The following NHEJ1 variants were observed in gnomAD, a reference collection of about 807,000 sequenced individuals.
NHEJ1 encodes non-homologous end-joining factor 1.
In NHEJ1, 22 loss-of-function variants were observed where a neutral mutation model predicts 39.4. That is an observed-to-expected ratio of 0.56 (90% CI 0.40 to 0.80). The LOEUF (loss-of-function observed/expected upper bound fraction) is 0.80, where lower values mean the gene tolerates loss of function less well. Among genes scored for constraint, NHEJ1 ranks in the 30% least tolerant of loss-of-function variants. The pLI, the probability that NHEJ1 is intolerant of heterozygous loss-of-function variation, is 0.00. For missense variants in NHEJ1, 329 were observed against 357.1 expected (o/e 0.92, Z 0.63); for synonymous variants, 154 against 135.6 (o/e 1.14, Z -0.94).
At chr2:219,130,250 G>A in intron 5 of NHEJ1, among the ~76,000 whole-genome samples, 1 of 152,136 alleles carries the variant, frequency 6.6e-6, no homozygotes, top group Non-Finnish European at 1.5e-5. Context: ...AGGACAAGCT[G>A]AAAACTGACA....
In NHEJ1 at chr2:219,071,002, G is replaced by A. The variant is rs948844011; in HGVS notation, c.*5379C>T. 5.2e-4 allele frequency among the ~76,000 whole-genome samples: 79 copies of A among 152,280 alleles called. No individual in the cohort carries two copies. The highest frequency in any genetic ancestry group is 6.2e-4 in the South Asian group (3 of 4,820). On this transcript the variant is annotated 3_prime_UTR_variant, in exon 8 of 8. Coordinates refer to ENST00000356853, the MANE Select transcript of NHEJ1 (RefSeq NM_024782.3). Reference sequence around the variant, plus strand: ...ACAGGACGCCCTGAAATCCCCGCTAGGCAACAATGCTAAATGAAACTGGCA... The same window carrying A: ...ACAGGACGCCCTGAAATCCCCGCTAAGCAACAATGCTAAATGAAACTGGCA...
chr2:219,136,286 CT>C (rs36102678), intron 5 of NHEJ1, among the ~76,000 whole-genome samples: 67,072 of 125,680 alleles, frequency 0.53, 17,428 homozygotes, highest in Middle Eastern at 0.62. Context: ...CACTTGGTTT[CT>C]TTTTTTTTTT....
At chr2:219,142,932 C>T (rs1341288674) in intron 5 of NHEJ1, among the ~76,000 whole-genome samples, 2 of 152,216 alleles carry the variant, frequency 1.3e-5, no homozygotes, top group Non-Finnish European at 2.9e-5. Context: ...GGCTCTTAGA[C>T]AGAGTGGAAA....
At chr2:219,082,927 A>G (rs958980484) in intron 5 of NHEJ1, among the ~76,000 whole-genome samples, 1 of 152,266 alleles carries the variant, frequency 6.6e-6, no homozygotes, top group Admixed American at 6.5e-5. Context: ...CCTTAGGAAT[A>G]AGAGCATATT....
At chr2:219,085,015 T>C (rs1007906959) in intron 5 of NHEJ1, among the ~76,000 whole-genome samples, 16 of 152,230 alleles carry the variant, frequency 1.1e-4, no homozygotes, top group East Asian at 3.8e-4. Flanking sequence ...TGCTTCCTAA[T>C]GTGGCTTGTG....
chr2:219,152,999 C>T (rs527999272), intron 3 of NHEJ1, among the ~76,000 whole-genome samples: 6 of 151,980 alleles, frequency 3.9e-5, no homozygotes, highest in African/African-American at 9.6e-5. Flanking sequence ...GATAGGGTTT[C>T]GCTATGTTGG....
intron 5 of NHEJ1, among the ~76,000 whole-genome samples, chr2:219,110,920 T>C (rs1419153551): frequency 6.6e-6 from 1 of 152,122 alleles, no homozygotes; most frequent in Non-Finnish European, 1.5e-5. Flanking sequence ...TGACTGCATG[T>C]TGGACTGAAC....
At chr2:219,153,505 A>G (rs1296476624) in intron 3 of NHEJ1, among the ~76,000 whole-genome samples, 1 of 152,226 alleles carries the variant, frequency 6.6e-6, no homozygotes, top group Non-Finnish European at 1.5e-5. Context: ...AGAGTAAGAG[A>G]TGAAGTCTGT....
chr2:219,126,186 G>A (rs900170874), intron 5 of NHEJ1, among the ~76,000 whole-genome samples: 5 of 152,196 alleles, frequency 3.3e-5, no homozygotes, highest in African/African-American at 1.2e-4. Context: ...TTACAGGAAC[G>A]CTATTTACTG....
intron 5 of NHEJ1, among the ~76,000 whole-genome samples, chr2:219,125,075 A>C (rs1949502343): frequency 6.6e-6 from 1 of 152,022 alleles, no homozygotes; most frequent in African/African-American, 2.4e-5. Flanking sequence ...AAACACAATT[A>C]AGATGGTTTG....
chr2:219,108,537 A>G (rs1374445073), intron 5 of NHEJ1, among the ~76,000 whole-genome samples: 2 of 152,228 alleles, frequency 1.3e-5, no homozygotes, highest in African/African-American at 4.8e-5. Flanking sequence ...ATCCACAAAA[A>G]AGTACCCAGG....
chr2:219,091,618 A>ATT (rs1949160468), intron 5 of NHEJ1, among the ~76,000 whole-genome samples: 2 of 152,182 alleles, frequency 1.3e-5, no homozygotes, highest in Non-Finnish European at 2.9e-5. Context: ...ACTTCGTCCT[A>ATT]AAGGCTACTT....
intron 3 of NHEJ1, among the ~76,000 whole-genome samples, chr2:219,148,029 C>G (rs982907444): frequency 1.3e-5 from 2 of 152,158 alleles, no homozygotes; most frequent in African/African-American, 4.8e-5. Flanking sequence ...AAGGCCAGGG[C>G]GGGTGGGTCA....
intron 5 of NHEJ1, among the ~76,000 whole-genome samples, chr2:219,142,700 G>A (rs558281922): frequency 2.2e-4 from 33 of 152,276 alleles, no homozygotes; most frequent in South Asian, 1.0e-3. Context: ...TCCTACTGCC[G>A]TGTAACAACA....
intron 5 of NHEJ1, among the ~76,000 whole-genome samples, chr2:219,110,949 G>A (rs921506921): frequency 1.3e-5 from 2 of 152,130 alleles, no homozygotes; most frequent in African/African-American, 4.8e-5. Context: ...CCAGGAACAT[G>A]CTCGCAAGCA....
intron 5 of NHEJ1, among the ~76,000 whole-genome samples, chr2:219,083,512 G>A (rs1949085673): frequency 6.6e-6 from 1 of 151,998 alleles, no homozygotes; most frequent in Non-Finnish European, 1.5e-5. Flanking sequence ...TGGCCTTAAG[G>A]TCTCAAAGAT....
At chr2:219,145,577 A>G (rs1319811934) in intron 5 of NHEJ1, among the ~76,000 whole-genome samples, 1 of 152,232 alleles carries the variant, frequency 6.6e-6, no homozygotes, top group African/African-American at 2.4e-5. Context: ...ATAATACCAG[A>G]TTATAATAGC....
chr2:219,146,550 G>T, intron 5 of NHEJ1, 130 bp downstream of exon 5: 1 of 792,564 alleles, frequency 1.3e-6, no homozygotes, highest in Non-Finnish European at 2.3e-6. Context: ...GACTTTCTAT[G>T]GGCAACTTTT....
chr2:219,092,848 T>G (rs1949173613), intron 5 of NHEJ1, among the ~76,000 whole-genome samples: 1 of 152,080 alleles, frequency 6.6e-6, no homozygotes, highest in Non-Finnish European at 1.5e-5. Context: ...AGATAAGAGA[T>G]CTTGAGATCC....
Sources: gnomAD v4.1 joint callset for allele counts (sites outside exome capture counted in the v4.1 genomes callset) on GRCh38, gnomAD v4.1.1 for gene constraint, MANE v1.5 for transcripts, NCBI Gene and HGNC (gene_info 2026-07-23, HGNC 2026-07-21) for gene names.